NELFCD: variants seen among roughly 807,000 people sequenced by gnomAD.
NELFCD encodes the protein negative elongation factor complex member C/D.
In NELFCD, 48 loss-of-function variants were observed where a neutral mutation model predicts 72.9. The ratio of observed to expected loss-of-function variants is 0.66; its 90% CI spans 0.52 to 0.84. The LOEUF (loss-of-function observed/expected upper bound fraction) is 0.84, where lower values mean the gene tolerates loss of function less well. Ranked by LOEUF, NELFCD falls within the 40% of genes least tolerant of loss-of-function variation. The pLI is 0.00. For synonymous variants in NELFCD, 297 were observed against 280.6 expected, an observed-to-expected ratio of 1.06 and a Z score of -0.59; for missense variants, 538 against 723.8, an observed-to-expected ratio of 0.74 and a Z score of 2.94.
chr20:58,987,058 T>C, intron 3 of NELFCD, 195 bp downstream of exon 3: 1 of 529,578 alleles, frequency 1.9e-6, no homozygotes, highest in Middle Eastern at 4.8e-4. Flanking sequence ...TTATCTTTGA[T>C]TCAGTAATTG....
intron 14 of NELFCD, 73 bp downstream of exon 14, chr20:58,994,312 C>T: frequency 1.9e-6 from 3 of 1,542,670 alleles, no homozygotes; most frequent in Non-Finnish European, 2.7e-6. Context: ...GCCTGTAATC[C>T]CAGCACTTTG....
rs1400945896 is a variant in NELFCD, at chr20:58,990,869, C to G, written c.789-41C>G. The G allele has an allele frequency of 5.8e-6, 9 of 1,545,098 alleles. No homozygotes were observed. In the Admixed American group the frequency reaches 1.6e-4, roughly 27 times the overall value. The stretch of plus-strand genomic sequence containing the variant: ...TGTAAAAAAGAACAGAAAAAAGAAG[C>G]TGCCTTGTTAGTAACGGGGTCTATG... On this transcript the variant is annotated intron_variant, in intron 7 of 14. Transcript: ENST00000652272.
intron 6 of NELFCD, 26 bp downstream of exon 6, chr20:58,989,666 G>T: frequency 6.2e-7 from 1 of 1,614,124 alleles, no homozygotes; most frequent in Non-Finnish European, 8.5e-7. Context: ...ATGAACCTCA[G>T]ATTAGAAGGA....
In NELFCD at chr20:58,994,768, G is replaced by A. The variant is rs564838555; in HGVS notation, c.*92G>A. 1,634 of 1,073,500 alleles carry A rather than the reference G, an allele frequency of 1.5e-3. 13 individuals carry two copies. Among genetic ancestry groups the A allele is most frequent in the Non-Finnish European group, 1.9e-3 (1,362 of 704,938 alleles). 66.5% of individuals were successfully genotyped at this position (1,073,500 alleles called of 1,614,324 possible). ...AGCTGTTTTAAGAGGCTCGGGCAGC[G>A]TCTTGAAAATGGGCACCGCTGGGAG... On this transcript the variant is annotated 3_prime_UTR_variant, in exon 15 of 15. Coordinates refer to ENST00000652272, the MANE Select transcript of NELFCD (RefSeq NM_198976.4).
Position 58,989,957 on chromosome 20 carries a change from G to T in NELFCD, c.757G>T (p.Ala253Ser). 3 of 1,613,730 alleles carry T rather than the reference G, an allele frequency of 1.9e-6. No individual in the cohort carries two copies. The African/African-American group carries it at 4.0e-5, about 21-fold the overall frequency. The change falls in exon 7 of 15, where the codon GCC becomes TCC. Residue 253 changes from alanine (A) to serine (S), a missense_variant. Transcript: ENST00000652272. ...EQGGSAVRRIAQEVQRFAQEK... is the reference protein window; with the variant it reads ...EQGGSAVRRISQEVQRFAQEK... Reference sequence around the variant, plus strand: ...GGGGGGCTCCGCTGTGCGCAGGATCGCCCAGGAAGTGCAGCGCTTTGCCCA... The same window carrying T: ...GGGGGGCTCCGCTGTGCGCAGGATCTCCCAGGAAGTGCAGCGCTTTGCCCA...
intron 5 of NELFCD, 194 bp from the exon 6 acceptor site, chr20:58,989,294 T>A: frequency 1.5e-6 from 1 of 677,808 alleles, no homozygotes; most frequent in South Asian, 1.8e-5. Flanking sequence ...TCCTCTTGCA[T>A]ATGAAGAAAC....
Position 58,993,413 on chromosome 20 carries a change from C to T in NELFCD, c.1345-36C>T, listed in dbSNP as rs760134304. 1.1e-5 allele frequency: 18 copies of T among 1,585,182 alleles called. No homozygotes were observed. The highest frequency in any genetic ancestry group is 4.5e-5 in the East Asian group (2 of 44,756). ...TTTCTCTGTGTGCTGAGCGTGACCA[C>T]ACTGCTCAGCGAAGCTCCCTCTGGC... On this transcript the variant is annotated intron_variant, in intron 11 of 14. Transcript: ENST00000652272. This position sits in a 1 kb window ranked among gnomAD's most constrained non-coding sequence, Gnocchi z 5.0.
In NELFCD at chr20:58,981,300, G is replaced by T. The variant is rs754362690; in HGVS notation, c.-10G>T. The T allele has an allele frequency of 7.2e-5, 78 of 1,077,488 alleles. No individual in the cohort carries two copies. Among genetic ancestry groups the T allele is most frequent in the Admixed American group, 8.9e-5 (2 of 22,358 alleles). The allele number at this position is 1,077,488 out of a possible 1,614,324, so 66.7% of individuals were successfully genotyped here. ...GGGAGGGCATGGCGGGGGCCGTGCC[G>T]GGCGCCATCATGGACGAGGACTACT... is the stretch of plus-strand genomic sequence containing the variant. On this transcript the variant is annotated 5_prime_UTR_variant, in exon 1 of 15. Coordinates refer to ENST00000652272, the MANE Select transcript of NELFCD (RefSeq NM_198976.4).
intron 4 of NELFCD, 52 bp from the exon 5 acceptor site, chr20:58,988,862 C>G (rs2091791735): frequency 7.8e-7 from 1 of 1,284,656 alleles, no homozygotes; most frequent in Admixed American, 1.7e-5. Flanking sequence ...AATCTCCACT[C>G]AAGTAAAAGT....
At chr20:58,990,623 A>G (rs2091808886) in intron 7 of NELFCD, 3 of 309,760 alleles carry the variant, frequency 9.7e-6, no homozygotes, top group Admixed American at 4.6e-5. Flanking sequence ...GTTGCTCAGC[A>G]ATCTCATTGT....
chr20:58,989,064 G>A (rs1389899775), intron 5 of NELFCD, 43 bp downstream of exon 5: 1 of 1,429,224 alleles, frequency 7.0e-7, no homozygotes, highest in African/African-American at 1.4e-5. Flanking sequence ...GTTTATGAAT[G>A]TTTATTTTTG....
chr20:58,988,494 G>A (rs1249604723), intron 4 of NELFCD, among the ~76,000 whole-genome samples: 1 of 152,214 alleles, frequency 6.6e-6, no homozygotes, highest in Non-Finnish European at 1.5e-5. Flanking sequence ...GAGGACATCC[G>A]TCACATAGGA....
intron 6 of NELFCD, 72 bp downstream of exon 6, chr20:58,989,712 C>T: frequency 6.2e-7 from 1 of 1,608,292 alleles, no homozygotes. Context: ...GCATGAGATG[C>T]TCCTTCCCTG....
intron 10 of NELFCD, 105 bp downstream of exon 10, chr20:58,992,125 C>A: frequency 1.7e-6 from 2 of 1,202,904 alleles, no homozygotes; most frequent in South Asian, 3.2e-5. Context: ...GATACTTGTT[C>A]ATTTTATTTA....
rs2091803405 is a variant in NELFCD, at chr20:58,989,958, C to T, written c.758C>T (p.Ala253Val). 1 of 1,613,644 alleles carries T rather than the reference C, an allele frequency of 6.2e-7. No individual in the cohort carries two copies. Among genetic ancestry groups the T allele is most frequent in the Non-Finnish European group, 8.5e-7 (1 of 1,180,050 alleles). The part of the protein sequence containing the change: ...EQGGSAVRRI[A>V]QEVQRFAQEK... Reference sequence around the variant, plus strand: ...GGGGGCTCCGCTGTGCGCAGGATCGCCCAGGAAGTGCAGCGCTTTGCCCAG... The same window carrying T: ...GGGGGCTCCGCTGTGCGCAGGATCGTCCAGGAAGTGCAGCGCTTTGCCCAG... The change falls in exon 7 of 15, where the codon GCC (alanine) becomes GTC (valine). Residue 253 changes from alanine to valine, a missense_variant. Physicochemically the swap from Ala to Val is moderately conservative, Grantham distance 64. Transcript: ENST00000652272.
intron 6 of NELFCD, 65 bp from the exon 7 acceptor site, chr20:58,989,793 G>A: frequency 6.2e-7 from 1 of 1,611,590 alleles, no homozygotes; most frequent in South Asian, 1.1e-5. Flanking sequence ...TGGAGGCTTG[G>A]CTCTCGTCCG....
At chr20:58,992,908 G>T (rs1601218431) in intron 10 of NELFCD, 90 bp from the exon 11 acceptor site, 6 of 861,818 alleles carry the variant, frequency 7.0e-6, no homozygotes, top group South Asian at 1.4e-5. Context: ...GGAGTCATTT[G>T]AGTTTGTTTT....
chr20:58,986,406 A>G lies in NELFCD; in HGVS notation c.176+198A>G, dbSNP rs1414847941. On this transcript the variant is annotated intron_variant, in intron 2 of 14. Coordinates refer to ENST00000652272, the MANE Select transcript of NELFCD (RefSeq NM_198976.4). The surrounding 1 kb of genome is among the most constrained non-coding windows in gnomAD (Gnocchi z 4.4). ...AGTCTTGCTCTGTTGCAGTGGCACA[A>G]TCACCGCTCACTGCAGCTTCAGCCT... is the stretch of plus-strand genomic sequence containing the variant. 1 of 567,558 alleles carries G rather than the reference A, an allele frequency of 1.8e-6. No individual in the cohort carries two copies. The highest frequency in any genetic ancestry group is 1.9e-5 in the African/African-American group (1 of 52,838). 35.2% of individuals were successfully genotyped at this position (567,558 alleles called of 1,614,324 possible). A position where few individuals can be genotyped will look rare whatever the true frequency, so the allele number is the denominator to read the frequency against.
In NELFCD at chr20:58,986,086, C is replaced by G. The variant is rs1193808079; in HGVS notation, c.61-7C>G. 2 of 1,598,050 alleles carry G rather than the reference C, an allele frequency of 1.3e-6. No individual in the cohort carries two copies. The highest frequency in any genetic ancestry group is 1.7e-6 in the Non-Finnish European group (2 of 1,165,344). ...AAAATATCCTGGCTCTTCGCATTTA[C>G]CAACAGCAGGAGGATGATTCTGGAG... On this transcript the variant is annotated splice_region_variant and splice_polypyrimidine_tract_variant and intron_variant, in intron 1 of 14. Coordinates refer to ENST00000652272, the MANE Select transcript of NELFCD (RefSeq NM_198976.4). The surrounding 1 kb of genome is among the most constrained non-coding windows in gnomAD (Gnocchi z 4.4).
Sources: allele counts gnomAD v4.1 joint callset (sites outside exome capture counted in the v4.1 genomes callset), GRCh38; gene constraint gnomAD v4.1.1; non-coding constraint Gnocchi (gnomAD v3.1); transcripts MANE v1.5; gene names NCBI Gene and HGNC (gene_info 2026-07-23, HGNC 2026-07-21).